The following KAT2B variants were observed in gnomAD, a reference collection of about 807,000 sequenced individuals.
KAT2B encodes the protein lysine acetyltransferase 2B.
Under a neutral mutation model 105.9 loss-of-function variants are expected in KAT2B, and 36 were observed. The ratio of observed to expected loss-of-function variants is 0.34; its 90% confidence interval spans 0.26 to 0.45. The LOEUF (loss-of-function observed/expected upper bound fraction) is 0.45, where lower values mean the gene tolerates loss of function less well. Among genes scored for constraint, KAT2B ranks in the 20% least tolerant of loss-of-function variants. The pLI, the probability that KAT2B is intolerant of heterozygous loss-of-function variation, is 1.00. For synonymous variants in KAT2B, 397 were observed against 377.9 expected (o/e 1.05, Z -0.59); for missense variants, 820 against 1,021.6 (o/e 0.80, Z 2.69).
chr3:20,054,106 AT>A (rs967576261), intron 1 of KAT2B, among the ~76,000 whole-genome samples: 3 of 146,148 alleles, frequency 2.1e-5, no homozygotes, highest in African/African-American at 2.5e-5. Context: ...CTTTAGACTT[AT>A]TTTTTTTTGT....
chr3:20,152,083 C>A (rs1699878186), intron 17 of KAT2B, among the ~76,000 whole-genome samples: 1 of 152,050 alleles, frequency 6.6e-6, no homozygotes, highest in Non-Finnish European at 1.5e-5. Flanking sequence ...GGGATTGAAC[C>A]AGATGACTAA....
rs1380516901 is a variant in KAT2B, at chr3:20,126,063, C to T, written c.1572C>T (p.His524=). 6 of 1,613,464 alleles carry T rather than the reference C, an allele frequency of 3.7e-6. No individual in the cohort carries two copies. Among genetic ancestry groups the T allele is most frequent in the Non-Finnish European group, 5.1e-6 (6 of 1,179,732 alleles). The change falls in exon 10 of 18, where the codon CAC becomes CAT. Residue 524 remains histidine, a synonymous_variant. Coordinates refer to ENST00000263754, the MANE Select transcript of KAT2B (RefSeq NM_003884.5). ...TTGGCCTACAGAACGTTTTCTCCCA[C>T]CAGCTGCCCCGAATGCCAAAAGAAT... ...WLVGLQNVFS[H]QLPRMPKEYI...
At chr3:20,117,036 T>C (rs1313009122) in intron 7 of KAT2B, among the ~76,000 whole-genome samples, 1 of 152,114 alleles carries the variant, frequency 6.6e-6, no homozygotes, top group Admixed American at 6.6e-5. Flanking sequence ...ACCAAAGTTA[T>C]TCAGCAGGAT....
At chr3:20,099,701 A>G (rs1327156999) in intron 3 of KAT2B, among the ~76,000 whole-genome samples, 161 bp from the exon 4 acceptor site, 1 of 152,112 alleles carries the variant, frequency 6.6e-6, no homozygotes, top group African/African-American at 2.4e-5. Context: ...ATTTGTTTAT[A>G]TATAGTTAAG....
chr3:20,080,198 T>A (rs921324486), intron 2 of KAT2B, among the ~76,000 whole-genome samples: 51 of 152,328 alleles, frequency 3.3e-4, no homozygotes, highest in African/African-American at 1.1e-3. Context: ...TGATCTGTAG[T>A]TGAGCAAGCA....
intron 1 of KAT2B, among the ~76,000 whole-genome samples, chr3:20,041,027 G>T (rs1367950454): frequency 6.6e-6 from 1 of 152,176 alleles, no homozygotes; most frequent in Non-Finnish European, 1.5e-5. Flanking sequence ...CGCTTGAAAG[G>T]AGTAGCTTCG....
chr3:20,090,791 G>C (rs933387880), intron 2 of KAT2B, among the ~76,000 whole-genome samples: 72 of 152,240 alleles, frequency 4.7e-4, no homozygotes, highest in African/African-American at 1.5e-3. Context: ...CTGGAGTATA[G>C]TGGCACAAGC....
chr3:20,114,791 G>A (rs780667078), intron 6 of KAT2B, 91 bp from the exon 7 acceptor site: 12 of 678,630 alleles, frequency 1.8e-5, no homozygotes, highest in Admixed American at 2.6e-5. Context: ...GGTTTGAGAC[G>A]CTGATGTTAA....
chr3:20,053,434 C>T (rs1697949392), intron 1 of KAT2B, among the ~76,000 whole-genome samples: 1 of 152,190 alleles, frequency 6.6e-6, no homozygotes, highest in African/African-American at 2.4e-5. Context: ...ACTCAGGAGG[C>T]TGAAGCAGGA....
chr3:20,089,544 G>T (rs2365375), intron 2 of KAT2B, among the ~76,000 whole-genome samples: 1 of 151,598 alleles, frequency 6.6e-6, no homozygotes, highest in African/African-American at 2.4e-5. Context: ...GAGATTACAG[G>T]CGTGCGCCAC....
At chr3:20,048,804 A>C (rs1302204492) in intron 1 of KAT2B, among the ~76,000 whole-genome samples, 1 of 152,124 alleles carries the variant, frequency 6.6e-6, no homozygotes, top group Non-Finnish European at 1.5e-5. Flanking sequence ...TTGGCTACTC[A>C]CACATGGGGA....
At chr3:20,070,322 T>TTTCC (rs10647897) in intron 1 of KAT2B, among the ~76,000 whole-genome samples, 1 of 145,340 alleles carries the variant, frequency 6.9e-6, no homozygotes, top group Non-Finnish European at 1.5e-5. Flanking sequence ...TTTTTTTTTT[T>TTTCC]TGAGATGGAG....
At chr3:20,106,183 A>T (rs370407598) in intron 5 of KAT2B, among the ~76,000 whole-genome samples, 1 of 152,246 alleles carries the variant, frequency 6.6e-6, no homozygotes, top group Non-Finnish European at 1.5e-5. Context: ...AATCATCATC[A>T]TGATGTGAAA....
At chr3:20,050,441 T>C (rs2125165837) in intron 1 of KAT2B, among the ~76,000 whole-genome samples, 1 of 152,148 alleles carries the variant, frequency 6.6e-6, no homozygotes. Flanking sequence ...TTGTGCCTCC[T>C]CCCCACTCCT....
intron 1 of KAT2B, among the ~76,000 whole-genome samples, chr3:20,065,143 T>C (rs779180298): frequency 1.1e-4 from 16 of 152,182 alleles, no homozygotes; most frequent in Non-Finnish European, 2.2e-4. Flanking sequence ...ATGAAAACAT[T>C]ATCCCAGTCC....
chr3:20,114,059 G>A (rs1419826043), intron 6 of KAT2B, among the ~76,000 whole-genome samples: 2 of 150,538 alleles, frequency 1.3e-5, no homozygotes, highest in East Asian at 4.1e-4. Context: ...AGGGACTTAG[G>A]TATCTGTATT....
intron 2 of KAT2B, among the ~76,000 whole-genome samples, chr3:20,085,800 T>A (rs2125190060): frequency 6.6e-6 from 1 of 151,986 alleles, no homozygotes; most frequent in African/African-American, 2.4e-5. Context: ...CATGAGCCAC[T>A]GCGCCCTGCC....
chr3:20,040,828 C>A (rs765627638), intron 1 of KAT2B, 48 bp downstream of exon 1: 45 of 1,521,252 alleles, frequency 3.0e-5, no homozygotes, highest in Middle Eastern at 4.2e-4. Flanking sequence ...AGGGGCCCAG[C>A]CCGCGGGACC....
At chr3:20,050,704 TC>T (rs1437787653) in intron 1 of KAT2B, among the ~76,000 whole-genome samples, 8 of 143,438 alleles carry the variant, frequency 5.6e-5, no homozygotes, top group Non-Finnish European at 1.2e-4. Context: ...ATGGGATGAA[TC>T]TTTTTTTTTT....
Sources: gnomAD v4.1 joint callset for allele counts (sites outside exome capture counted in the v4.1 genomes callset) on GRCh38, gnomAD v4.1.1 for gene constraint, MANE v1.5 for transcripts, NCBI Gene and HGNC (gene_info 2026-07-23, HGNC 2026-07-21) for gene names.